METTL25: variants seen among roughly 807,000 people sequenced by gnomAD.
The protein encoded by METTL25 is probable methyltransferase-like protein 25.
METTL25 carries 64 observed loss-of-function variants against 71.6 expected under a neutral mutation model. That is an observed-to-expected ratio of 0.89 (90% confidence interval 0.73 to 1.10). The LOEUF (loss-of-function observed/expected upper bound fraction) is 1.10, where lower values mean the gene tolerates loss of function less well. Among genes scored for constraint, METTL25 ranks in the 50% least tolerant of loss-of-function variants. The pLI is 0.00. For missense variants in METTL25, 807 were observed against 707.0 expected (o/e 1.14, Z -1.60); for synonymous variants, 287 against 250.3 (o/e 1.15, Z -1.38).
At chr12:82,458,501 A>G (rs1891645110) in intron 9 of METTL25, among the ~76,000 whole-genome samples, 1 of 152,134 alleles carries the variant, frequency 6.6e-6, no homozygotes, top group Admixed American at 6.6e-5. Flanking sequence ...ACTGTAATTT[A>G]ATTGTTGGAG....
In METTL25 at chr12:82,434,704, C is replaced by A; in HGVS notation, c.1384C>A (p.Arg462=). Residue 462 remains arginine (R), a synonymous_variant, in exon 7 of 12, where the codon CGG becomes AGG. Transcript: ENST00000248306. The stretch of plus-strand genomic sequence containing the variant: ...TTTTTTTCCCTTTAAGGCATTGGAG[C>A]GGGTTGCAGCTGGCCAAGGGGTAAG... ...ARMSACLALE[R]VAAGQGLPTE... is the part of the protein sequence containing the mutation. 4 of 1,609,044 alleles carry A rather than the reference C, an allele frequency of 2.5e-6. No homozygotes were observed. Among genetic ancestry groups the A allele is most frequent in the Non-Finnish European group, 3.4e-6 (4 of 1,176,690 alleles).
intron 8 of METTL25, among the ~76,000 whole-genome samples, chr12:82,447,886 A>G (rs1890873994): frequency 6.6e-6 from 1 of 152,082 alleles, no homozygotes; most frequent in Non-Finnish European, 1.5e-5. Context: ...ATACTCCAAT[A>G]TCTAATATAG....
At chr12:82,436,866 A>T (rs939977187) in intron 7 of METTL25, among the ~76,000 whole-genome samples, 1 of 151,652 alleles carries the variant, frequency 6.6e-6, no homozygotes, top group African/African-American at 2.4e-5. Context: ...AAAAGTTAAG[A>T]ACTTTGTAAG....
At chr12:82,478,856 A>C in intron 11 of METTL25, 76 bp from the exon 12 acceptor site, 1 of 1,108,640 alleles carries the variant, frequency 9.0e-7, no homozygotes, top group African/African-American at 1.6e-5. Flanking sequence ...TTTATATTAC[A>C]ATATATAATC....
intron 8 of METTL25, among the ~76,000 whole-genome samples, chr12:82,449,477 T>A (rs1890986080): frequency 6.6e-6 from 1 of 152,218 alleles, no homozygotes; most frequent in South Asian, 2.1e-4. Context: ...TTGTGTGTTT[T>A]CTTGGAGTTG....
At chr12:82,404,191 A>G (rs1159183137) in intron 5 of METTL25, among the ~76,000 whole-genome samples, 1 of 152,096 alleles carries the variant, frequency 6.6e-6, no homozygotes, top group Non-Finnish European at 1.5e-5. Flanking sequence ...AAAGTATGAA[A>G]TAGTGAAATT....
chr12:82,369,429 C>T (rs978532317), intron 1 of METTL25: 3 of 448,436 alleles, frequency 6.7e-6, no homozygotes, highest in African/African-American at 6.0e-5. Context: ...AGCCACGGAC[C>T]TTTGCGGTGA....
In METTL25 at chr12:82,360,253, T is replaced by A. The variant is rs137914100; in HGVS notation, c.259+1429T>A. On this transcript the variant is annotated intron_variant, in intron 1 of 11. Coordinates refer to ENST00000248306, the MANE Select transcript of METTL25 (RefSeq NM_032230.3). ...CAGATTGTCTTACATATTCTAATAA[T>A]AATTGGATTATTTGATATTTACTAT... Among the ~76,000 whole-genome samples the A allele has an allele frequency of 7.9e-5, 12 of 152,324 alleles. No individual in the cohort carries two copies. In the East Asian group the frequency reaches 2.1e-3, roughly 27 times the overall value.
At chr12:82,413,023 A>C (rs1018422359) in intron 5 of METTL25, among the ~76,000 whole-genome samples, 1 of 152,064 alleles carries the variant, frequency 6.6e-6, no homozygotes, top group Non-Finnish European at 1.5e-5. Context: ...TCCTTGAAGA[A>C]AAGAAAGATT....
chr12:82,477,380 A>T, intron 11 of METTL25, 28 bp downstream of exon 11: 1 of 1,224,800 alleles, frequency 8.2e-7, no homozygotes, highest in Non-Finnish European at 1.2e-6. Flanking sequence ...AAAATACACA[A>T]CAAATATCTT....
chr12:82,456,110 C>T (rs763838399), intron 8 of METTL25, among the ~76,000 whole-genome samples: 3 of 151,650 alleles, frequency 2.0e-5, no homozygotes, highest in Non-Finnish European at 4.4e-5. Context: ...TTTGATAATT[C>T]GTAGTTAATT....
At chr12:82,420,040 G>A (rs1888343435) in intron 5 of METTL25, among the ~76,000 whole-genome samples, 1 of 152,122 alleles carries the variant, frequency 6.6e-6, no homozygotes, top group South Asian at 2.1e-4. Context: ...TTAAAAAGAA[G>A]CAAGTCCTGC....
chr12:82,450,466 C>T (rs967344200), intron 8 of METTL25, among the ~76,000 whole-genome samples: 14 of 152,080 alleles, frequency 9.2e-5, no homozygotes, highest in African/African-American at 3.1e-4. Context: ...TCATCTTTCA[C>T]CCAGATTATT....
chr12:82,466,912 AG>A, intron 9 of METTL25, among the ~76,000 whole-genome samples: 1 of 152,158 alleles, frequency 6.6e-6, no homozygotes, highest in African/African-American at 2.4e-5. Flanking sequence ...TTTTTCCGTT[AG>A]CATAGAATAC....
chr12:82,367,931 A>C, intron 1 of METTL25, among the ~76,000 whole-genome samples: 1 of 152,190 alleles, frequency 6.6e-6, no homozygotes, highest in Non-Finnish European at 1.5e-5. Context: ...TGTGCACTTT[A>C]GTTAAGCTTT....
intron 4 of METTL25, 53 bp from the exon 5 acceptor site, chr12:82,402,930 A>T: frequency 1.5e-6 from 2 of 1,374,290 alleles, no homozygotes; most frequent in Non-Finnish European, 1.0e-6. Context: ...TAAAAATTTT[A>T]AACAACCCTC....
intron 6 of METTL25, among the ~76,000 whole-genome samples, chr12:82,433,831 G>A (rs1031593755): frequency 1.3e-5 from 2 of 151,398 alleles, no homozygotes; most frequent in South Asian, 2.1e-4. Context: ...TGAATAGCAA[G>A]TATATGCACA....
intron 1 of METTL25, among the ~76,000 whole-genome samples, chr12:82,360,592 G>C (rs1032230937): frequency 6.6e-6 from 1 of 151,920 alleles, no homozygotes; most frequent in Non-Finnish European, 1.5e-5. Flanking sequence ...GAAAAGATAA[G>C]AAAAAAACCG....
intron 1 of METTL25, among the ~76,000 whole-genome samples, chr12:82,379,471 C>T (rs1884211876): frequency 6.6e-6 from 1 of 152,122 alleles, no homozygotes; most frequent in Admixed American, 6.6e-5. Flanking sequence ...AAATGCTTCT[C>T]ATTTTAAATG....
Sources: allele counts gnomAD v4.1 joint callset (sites outside exome capture counted in the v4.1 genomes callset), GRCh38; gene constraint gnomAD v4.1.1; transcripts MANE v1.5; gene names NCBI Gene and HGNC (gene_info 2026-07-23, HGNC 2026-07-21).